Variants in TRMT10B observed in about 807,000 individuals in gnomAD.
TRMT10B encodes the protein tRNA methyltransferase 10B.
Under a neutral mutation model 43.8 loss-of-function variants are expected in TRMT10B, and 33 were observed. That is an observed-to-expected ratio of 0.75 (90% confidence interval 0.57 to 1.01). TRMT10B has a LOEUF of 1.01. TRMT10B is among the 50% of genes least tolerant of loss of function. The pLI, the probability that TRMT10B is intolerant of heterozygous loss-of-function variation, is 0.00. For missense variants in TRMT10B, 362 were observed against 369.8 expected (o/e 0.98, Z 0.17); for synonymous variants, 137 against 130.6 (o/e 1.05, Z -0.34).
At chr9:37,765,242 C>T (rs1460617118) in intron 4 of TRMT10B, among the ~76,000 whole-genome samples, 1 of 152,030 alleles carries the variant, frequency 6.6e-6, no homozygotes, top group African/African-American at 2.4e-5. Context: ...TGCTGTCCTT[C>T]CCCCCGTCCC....
intron 7 of TRMT10B, among the ~76,000 whole-genome samples, chr9:37,773,913 T>G (rs1297051576): frequency 6.8e-6 from 1 of 146,894 alleles, no homozygotes; most frequent in Non-Finnish European, 1.5e-5. Context: ...GTCACACCAC[T>G]GCACTTCAGC....
At chr9:37,772,288 C>T (rs1314207431) in intron 7 of TRMT10B, among the ~76,000 whole-genome samples, 1 of 151,954 alleles carries the variant, frequency 6.6e-6, no homozygotes, top group African/African-American at 2.4e-5. Context: ...GCTGGGATTA[C>T]AGGCATTGAG....
chr9:37,758,977 G>A (rs1407505095), intron 1 of TRMT10B, among the ~76,000 whole-genome samples: 1 of 152,192 alleles, frequency 6.6e-6, no homozygotes, highest in Non-Finnish European at 1.5e-5. Flanking sequence ...TGTAGCAAAG[G>A]AGCCCCAGAA....
chr9:37,753,524 C>T (rs1825194155), upstream of TRMT10B, among the ~76,000 whole-genome samples: 1 of 152,142 alleles, frequency 6.6e-6, no homozygotes, highest in Admixed American at 6.5e-5. Flanking sequence ...CCCAGTTTCG[C>T]AATGTCCAGC....
At chr9:37,764,352 C>T (rs1290137116) in intron 4 of TRMT10B, among the ~76,000 whole-genome samples, 1 of 137,188 alleles carries the variant, frequency 7.3e-6, no homozygotes, top group Non-Finnish European at 1.5e-5. Flanking sequence ...GACAGAGTCT[C>T]ACTCTGTTGC....
chr9:37,776,214 C>G, intron 7 of TRMT10B, 68 bp from the exon 8 acceptor site: 1 of 1,227,716 alleles, frequency 8.1e-7, no homozygotes, highest in African/African-American at 1.6e-5. Flanking sequence ...ATTTTTAATG[C>G]TGTATTACAT....
chr9:37,757,526 C>T (rs1825852231), intron 1 of TRMT10B, among the ~76,000 whole-genome samples: 1 of 152,138 alleles, frequency 6.6e-6, no homozygotes, highest in Non-Finnish European at 1.5e-5. Context: ...TTAGCCTAGG[C>T]AGACAAATGG....
chr9:37,768,349 G>A (rs1265567306), intron 5 of TRMT10B, 121 bp downstream of exon 5: 4 of 1,140,038 alleles, frequency 3.5e-6, no homozygotes, highest in African/African-American at 1.6e-5. Context: ...AAAAAATTCA[G>A]AACCTCTCAT....
chr9:37,773,380 CA>C (rs1827794495), intron 7 of TRMT10B, among the ~76,000 whole-genome samples: 1 of 152,028 alleles, frequency 6.6e-6, no homozygotes, highest in Non-Finnish European at 1.5e-5. Flanking sequence ...CTCAGCCTCC[CA>C]AAACACTGGG....
intron 1 of TRMT10B, among the ~76,000 whole-genome samples, chr9:37,756,648 A>G (rs921109647): frequency 7.3e-5 from 11 of 151,700 alleles, no homozygotes; most frequent in African/African-American, 2.7e-4. Context: ...AGAGGTTGCA[A>G]TGAGTCATGA....
At chr9:37,755,185 T>C (rs893161346) in intron 1 of TRMT10B, among the ~76,000 whole-genome samples, 2 of 151,466 alleles carry the variant, frequency 1.3e-5, no homozygotes, top group African/African-American at 4.9e-5. Context: ...GGCAGGAGAA[T>C]GCGTGAACCT....
intron 7 of TRMT10B, among the ~76,000 whole-genome samples, chr9:37,775,408 C>T (rs1347208284): frequency 6.6e-6 from 1 of 152,218 alleles, no homozygotes; most frequent in Non-Finnish European, 1.5e-5. Flanking sequence ...TGAGTCATGA[C>T]TCAGTCTGAG....
intron 1 of TRMT10B, 141 bp downstream of exon 1, chr9:37,753,993 A>G (rs1825292275): frequency 6.6e-6 from 1 of 152,316 alleles, no homozygotes; most frequent in South Asian, 2.1e-4. Context: ...CCTTCCTGAT[A>G]CTTTCCCTTC....
chr9:37,761,487 T>G lies in TRMT10B; in HGVS notation c.-29-416T>G, dbSNP rs148892750. On this transcript the variant is annotated intron_variant, in intron 1 of 8. Coordinates refer to ENST00000297994, the MANE Select transcript of TRMT10B (RefSeq NM_144964.4). The stretch of plus-strand genomic sequence containing the variant: ...GCCGAGATGGGTAGATCACTTGAGG[T>G]CAGGAGTCCGAGACCAGCCTGGCCA... Among the ~76,000 whole-genome samples, 428 of 152,148 alleles carry G rather than the reference T, an allele frequency of 2.8e-3. 3 individuals are homozygous for G. The highest frequency in any genetic ancestry group is 9.8e-3 in the African/African-American group (406 of 41,518).
chr9:37,762,739 T>G, intron 3 of TRMT10B, 54 bp downstream of exon 3: 1 of 1,517,158 alleles, frequency 6.6e-7, no homozygotes, highest in Non-Finnish European at 8.8e-7. Flanking sequence ...AGCAAACGTG[T>G]CTGCATGTTC....
At chr9:37,774,378 A>G (rs10973536) in intron 7 of TRMT10B, among the ~76,000 whole-genome samples, 29,343 of 152,168 alleles carry the variant, frequency 0.19, 2,893 homozygotes, top group South Asian at 0.25. Context: ...CAGTTTTAAC[A>G]TATTATCTGT....
At chr9:37,775,298 T>C (rs934221851) in intron 7 of TRMT10B, among the ~76,000 whole-genome samples, 2 of 152,154 alleles carry the variant, frequency 1.3e-5, no homozygotes, top group African/African-American at 4.8e-5. Context: ...AGCCTTGGCA[T>C]GTTAATTATC....
At chr9:37,762,977 C>CA (rs57643861) in intron 3 of TRMT10B, among the ~76,000 whole-genome samples, 3,117 of 85,108 alleles carry the variant, frequency 0.037, 60 homozygotes, top group African/African-American at 0.077. Context: ...ACTAAAAATA[C>CA]AAAAAAAAAA....
rs1305762647 is a variant in TRMT10B, at chr9:37,778,934, A to C, written c.*1227A>C. The C allele has an allele frequency of 1.3e-5, 2 of 152,064 alleles. No individual in the cohort carries two copies. Among genetic ancestry groups the C allele is most frequent in the African/African-American group, 4.8e-5 (2 of 41,372 alleles). 9.4% of individuals were successfully genotyped at this position (152,064 alleles called of 1,614,324 possible). A position where few individuals can be genotyped will look rare whatever the true frequency, so the allele number is the denominator to read the frequency against. On this transcript the variant is annotated 3_prime_UTR_variant, in exon 9 of 9. Coordinates refer to ENST00000297994, the MANE Select transcript of TRMT10B (RefSeq NM_144964.4). ...TGAGCCTGTACCAACTAGATTCTTCATATGTATTTGTAACAGATTAAATTG... is the reference window on the plus strand; with the variant it reads ...TGAGCCTGTACCAACTAGATTCTTCCTATGTATTTGTAACAGATTAAATTG...
Sources: allele counts gnomAD v4.1 joint callset (sites outside exome capture counted in the v4.1 genomes callset), GRCh38; gene constraint gnomAD v4.1.1; transcripts MANE v1.5; gene names NCBI Gene and HGNC (gene_info 2026-07-23, HGNC 2026-07-21).